The following INPP4B variants were observed in gnomAD, a reference collection of about 807,000 sequenced individuals.
INPP4B encodes the protein inositol polyphosphate 4-phosphatase type II.
INPP4B carries 55 observed loss-of-function variants against 122.5 expected under a neutral mutation model. The observed-to-expected ratio is 0.45, with a 90% CI of 0.36 to 0.56. The LOEUF (loss-of-function observed/expected upper bound fraction) is 0.56. INPP4B is among the 20% of genes least tolerant of loss of function. The pLI is 0.00. For missense variants in INPP4B, 1,000 were observed against 1,097.7 expected, an observed-to-expected ratio of 0.91 and a Z score of 1.26; for synonymous variants, 403 against 388.7, an observed-to-expected ratio of 1.04 and a Z score of -0.43.
intron 2 of INPP4B, among the ~76,000 whole-genome samples, chr4:142,481,879 C>A (rs1333576104): frequency 1.3e-5 from 2 of 152,162 alleles, no homozygotes; most frequent in Non-Finnish European, 2.9e-5. Flanking sequence ...AGGAACTGGA[C>A]TTCTATGTAA....
chr4:142,698,114 G>C (rs1451054952), intron 2 of INPP4B, among the ~76,000 whole-genome samples: 1 of 151,764 alleles, frequency 6.6e-6, no homozygotes, highest in Non-Finnish European at 1.5e-5. Flanking sequence ...AATAAATCTT[G>C]GCTGTAATTA....
At chr4:142,699,015 T>C (rs1221097326) in intron 2 of INPP4B, among the ~76,000 whole-genome samples, 1 of 152,166 alleles carries the variant, frequency 6.6e-6, no homozygotes, top group Non-Finnish European at 1.5e-5. Context: ...CCCACATGTA[T>C]TGATTCACTT....
chr4:142,406,795 T>C (rs1257128254), intron 5 of INPP4B, among the ~76,000 whole-genome samples: 2 of 152,244 alleles, frequency 1.3e-5, no homozygotes, highest in African/African-American at 4.8e-5. Flanking sequence ...TTTTGCTAAT[T>C]ATCTCTCTAT....
At chr4:142,078,411 C>T (rs944642245) in intron 25 of INPP4B, among the ~76,000 whole-genome samples, 1 of 151,966 alleles carries the variant, frequency 6.6e-6, no homozygotes, top group Admixed American at 6.6e-5. Flanking sequence ...ATGCACAATA[C>T]CACCAAATAC....
At chr4:142,253,999 T>C (rs1032961438) in intron 11 of INPP4B, among the ~76,000 whole-genome samples, 1 of 151,732 alleles carries the variant, frequency 6.6e-6, no homozygotes, top group Non-Finnish European at 1.5e-5. Context: ...AGCTCGCAGC[T>C]AGAGATCTGA....
At chr4:142,182,633 T>C (rs754731465) in intron 15 of INPP4B, among the ~76,000 whole-genome samples, 32 of 151,816 alleles carry the variant, frequency 2.1e-4, no homozygotes, top group Non-Finnish European at 3.5e-4. Flanking sequence ...TCTCAAAATG[T>C]CTCTTTAATG....
intron 11 of INPP4B, among the ~76,000 whole-genome samples, chr4:142,253,218 G>C (rs1579459371): frequency 6.6e-6 from 1 of 152,334 alleles, no homozygotes; most frequent in South Asian, 2.1e-4. Flanking sequence ...GGATGAGTCA[G>C]TGAGTGAGTG....
At chr4:142,143,401 CAT>C in intron 18 of INPP4B, among the ~76,000 whole-genome samples, 1 of 151,936 alleles carries the variant, frequency 6.6e-6, no homozygotes, top group Non-Finnish European at 1.5e-5. Flanking sequence ...TCCCTTTACA[CAT>C]GATAGCAATA....
At position 142,024,911 on chromosome 4, in the gene INPP4B, A is replaced by G. The variant is rs1736563132; in HGVS notation, c.*3871T>C. 6.6e-6 allele frequency: 1 copy of G among 152,188 alleles called. No homozygotes were observed. 9.4% of individuals were successfully genotyped at this position (152,188 alleles called of 1,614,324 possible). On this transcript the variant is annotated 3_prime_UTR_variant, in exon 26 of 26. Coordinates refer to ENST00000262992, the MANE Select transcript of INPP4B (RefSeq NM_001101669.3). ...GGAGAAAAGGTGATTTAATAATTTA[A>G]TTATGAATAAAATATAGTCATCAAA...
intron 1 of INPP4B, among the ~76,000 whole-genome samples, chr4:142,799,178 T>G (rs1020332894): frequency 2.0e-5 from 3 of 152,084 alleles, no homozygotes; most frequent in African/African-American, 7.2e-5. Context: ...CTAACATTAT[T>G]TATAAATGCT....
In INPP4B at chr4:142,237,940, G is replaced by T; in HGVS notation, c.760C>A (p.Gln254Lys). ...SDNKWMRIRE[Q>K]MSESILSFHI... is the part of the protein sequence containing the mutation. ...AAGGAAAGAATGCTCTCTGACATCT[G>T]CTCTCGAATTCGCATCCACTTATTG... The change falls in exon 12 of 26, where the codon CAG (glutamine) becomes AAG (lysine). Residue 254 changes from glutamine to lysine, a missense_variant. By Grantham distance (53) the Gln-to-Lys change is moderately conservative. Transcript: ENST00000262992. 1.3e-6 allele frequency: 2 copies of T among 1,575,794 alleles called. No homozygotes were observed. The highest frequency in any genetic ancestry group is 1.7e-6 in the Non-Finnish European group (2 of 1,148,062).
chr4:142,683,981 A>G (rs1198343216), intron 2 of INPP4B, among the ~76,000 whole-genome samples: 1 of 151,964 alleles, frequency 6.6e-6, no homozygotes, highest in Non-Finnish European at 1.5e-5. Flanking sequence ...ACAAAGGCAA[A>G]GGAGAACATG....
chr4:142,800,255 C>T (rs140006190), intron 1 of INPP4B, among the ~76,000 whole-genome samples: 26 of 152,094 alleles, frequency 1.7e-4, no homozygotes, highest in Non-Finnish European at 3.2e-4. Flanking sequence ...CTCCTTTCTC[C>T]CAAAAGTGAG....
chr4:142,625,904 T>C (rs946689998), intron 2 of INPP4B, among the ~76,000 whole-genome samples: 3 of 152,192 alleles, frequency 2.0e-5, no homozygotes, highest in Non-Finnish European at 4.4e-5. Context: ...ACTTAATAAA[T>C]GGTGCTGGGA....
intron 2 of INPP4B, among the ~76,000 whole-genome samples, chr4:142,541,086 G>A (rs925148100): frequency 2.0e-5 from 3 of 152,116 alleles, no homozygotes; most frequent in Non-Finnish European, 2.9e-5. Context: ...CAGGACAAAA[G>A]CTGATTTGAT....
chr4:142,524,508 GT>G (rs780959396), intron 2 of INPP4B, among the ~76,000 whole-genome samples: 1 of 151,714 alleles, frequency 6.6e-6, no homozygotes, highest in Non-Finnish European at 1.5e-5. Flanking sequence ...GGGGTTGTTT[GT>G]TTTTTTCTTG....
intron 8 of INPP4B, chr4:142,306,017 TC>T: frequency 1.3e-6 from 1 of 752,660 alleles, no homozygotes; most frequent in Non-Finnish European, 1.6e-6. Context: ...GTTATATTTT[TC>T]CCCCATCACA....
At chr4:142,781,349 T>A (rs1480810889) in intron 1 of INPP4B, among the ~76,000 whole-genome samples, 2 of 152,196 alleles carry the variant, frequency 1.3e-5, no homozygotes, top group Non-Finnish European at 2.9e-5. Flanking sequence ...TAGGGAGGGC[T>A]CACCTCCCCA....
intron 7 of INPP4B, among the ~76,000 whole-genome samples, chr4:142,331,826 C>A (rs1230778856): frequency 7.0e-6 from 1 of 141,940 alleles, no homozygotes; most frequent in Non-Finnish European, 1.5e-5. Flanking sequence ...TTTGGAGCTT[C>A]TAATTGTGAT....
Sources: allele counts gnomAD v4.1 joint callset (sites outside exome capture counted in the v4.1 genomes callset), GRCh38; gene constraint gnomAD v4.1.1; transcripts MANE v1.5; gene names NCBI Gene and HGNC (gene_info 2026-07-23, HGNC 2026-07-21).